The following CENPE variants were observed in gnomAD, a reference collection of about 807,000 sequenced individuals.
The protein encoded by CENPE is centromere protein E, also known as centromere-associated protein E.
A neutral mutation model predicts 336.1 loss-of-function variants in CENPE; 145 were observed. That is an observed-to-expected ratio of 0.43 (90% CI 0.38 to 0.50). The LOEUF is 0.50. CENPE is among the 20% of genes least tolerant of loss of function. CENPE has a pLI of 0.00. For synonymous variants in CENPE, 1,013 were observed against 984.8 expected (o/e 1.03, Z -0.54); for missense variants, 2,719 against 3,023.3 (o/e 0.90, Z 2.36).
intron 13 of CENPE, among the ~76,000 whole-genome samples, chr4:103,177,262 T>C (rs1334911735): frequency 6.6e-6 from 1 of 152,030 alleles, no homozygotes. Context: ...TTTCCTACTT[T>C]GTCCTCCTCA....
At chr4:103,138,150 T>C (rs1450125083) in intron 39 of CENPE, among the ~76,000 whole-genome samples, 1 of 152,206 alleles carries the variant, frequency 6.6e-6, no homozygotes, top group African/African-American at 2.4e-5. Context: ...GGTGAGGACT[T>C]AAATTCACAA....
chr4:103,122,849 C>T (rs200913750), intron 43 of CENPE, 22 bp downstream of exon 43: 3 of 1,565,236 alleles, frequency 1.9e-6, no homozygotes, highest in East Asian at 2.2e-5. Context: ...AACTGAAGAA[C>T]ATTTTATAAG....
Position 103,106,100 on chromosome 4 carries a change from G to T in CENPE, c.*122C>A. The T allele has an allele frequency of 2.0e-6, 1 of 507,888 alleles. No individual in the cohort carries two copies. The highest frequency in any genetic ancestry group is 3.3e-6 in the Non-Finnish European group (1 of 305,916). The allele number at this position is 507,888 out of a possible 1,614,324, so 31.5% of individuals were successfully genotyped here. A position where few individuals can be genotyped will look rare whatever the true frequency, so the allele number is the denominator to read the frequency against. The stretch of plus-strand genomic sequence containing the variant: ...GTTCCCTTATCTTTCAACTCTAGTG[G>T]CAAAGTAAAGACTGAATTGAAATTA... On this transcript the variant is annotated 3_prime_UTR_variant, in exon 49 of 49. Transcript: ENST00000265148.
chr4:103,111,109 C>T, intron 46 of CENPE, 98 bp from the exon 47 acceptor site: 1 of 797,760 alleles, frequency 1.3e-6, no homozygotes, highest in Admixed American at 2.8e-5. Flanking sequence ...ATTATAGAGA[C>T]CCAAACAGCT....
intron 5 of CENPE, 132 bp downstream of exon 5, chr4:103,194,982 C>G (rs1328298032): frequency 1.0e-5 from 8 of 777,436 alleles, no homozygotes; most frequent in African/African-American, 1.8e-5. Flanking sequence ...AATATAAATA[C>G]TTCAAAAAAA....
chr4:103,178,763 A>G (rs1441439062), intron 13 of CENPE, among the ~76,000 whole-genome samples: 2 of 151,970 alleles, frequency 1.3e-5, no homozygotes, highest in African/African-American at 2.4e-5. Flanking sequence ...CATATTCACT[A>G]GGTTTTATTC....
chr4:103,108,424 T>C (rs540264716), intron 48 of CENPE, among the ~76,000 whole-genome samples: 4 of 152,282 alleles, frequency 2.6e-5, no homozygotes, highest in African/African-American at 9.6e-5. Flanking sequence ...AAATGATTCA[T>C]CTATTATCTG....
intron 8 of CENPE, among the ~76,000 whole-genome samples, chr4:103,191,120 T>C (rs1294528697): frequency 6.6e-6 from 1 of 152,136 alleles, no homozygotes; most frequent in Non-Finnish European, 1.5e-5. Context: ...CCAGTTAGAA[T>C]GGCAATCGTT....
intron 28 of CENPE, among the ~76,000 whole-genome samples, chr4:103,148,510 A>G (rs1483009603): frequency 6.6e-6 from 1 of 152,204 alleles, no homozygotes; most frequent in Non-Finnish European, 1.5e-5. Flanking sequence ...TCTGGCATGG[A>G]GTAGGCTTTT....
chr4:103,176,997 A>AT lies in CENPE; in HGVS notation c.1291dup (p.Met431AsnfsTer11). ...TTGATCTGCATAGTTTGAGTTCTTCATTTTGTTAATTTTGCCAAGGCACCA... is the reference window on the plus strand; with the variant it reads ...TTGATCTGCATAGTTTGAGTTCTTCATTTTTGTTAATTTTGCCAAGGCACCA... On this transcript the variant is annotated frameshift_variant, in exon 14 of 49. Transcript: ENST00000265148. LOFTEE classifies it high-confidence loss of function. The AT allele has an allele frequency of 6.2e-7, 1 of 1,607,988 alleles. No individual in the cohort carries two copies. Among genetic ancestry groups the AT allele is most frequent in the Non-Finnish European group, 8.5e-7 (1 of 1,177,888 alleles).
chr4:103,178,092 AT>A (rs1457769394), intron 13 of CENPE, among the ~76,000 whole-genome samples: 5 of 145,818 alleles, frequency 3.4e-5, no homozygotes, highest in Non-Finnish European at 7.4e-5. Flanking sequence ...ATCATCTTAG[AT>A]TCCATAGATC....
At chr4:103,172,589 G>C (rs1317155277) in intron 16 of CENPE, among the ~76,000 whole-genome samples, 1 of 152,008 alleles carries the variant, frequency 6.6e-6, no homozygotes, top group African/African-American at 2.4e-5. Context: ...AGTACAGGAA[G>C]TTCTAGCTAG....
chr4:103,158,949 T>A, intron 22 of CENPE, 61 bp downstream of exon 22: 1 of 1,541,132 alleles, frequency 6.5e-7, no homozygotes, highest in South Asian at 1.3e-5. Context: ...CATACATATA[T>A]ACAGAAACCA....
In CENPE at chr4:103,161,358, T is replaced by A; in HGVS notation, c.1942A>T (p.Asn648Tyr). Residue 648 changes from asparagine to tyrosine, a missense_variant, in exon 19 of 49, where the codon AAT (asparagine) becomes TAT (tyrosine). Around this residue, in one of 5 missense-constraint regions of CENPE, gnomAD observed 2,437 missense variants for 2,513.3 expected, o/e 0.97. Coordinates refer to ENST00000265148, the MANE Select transcript of CENPE (RefSeq NM_001813.3). ...KRESAFLRSE[N>Y]LELKEKMKEL... is the part of the protein sequence containing the mutation. ...ACCATTTTCTCCTTCAGCTCCAGAT[T>A]TTCACTTCTAAGAAAGGCTGATTCT... is the stretch of plus-strand genomic sequence containing the variant. 1 of 1,611,452 alleles carries A rather than the reference T, an allele frequency of 6.2e-7. No individual in the cohort carries two copies. Among genetic ancestry groups the A allele is most frequent in the Non-Finnish European group, 8.5e-7 (1 of 1,178,956 alleles).
chr4:103,163,029 ATT>A (rs1754586751), intron 18 of CENPE, 106 bp downstream of exon 18: 1 of 806,852 alleles, frequency 1.2e-6, no homozygotes, highest in Non-Finnish European at 1.8e-6. Context: ...ATATAAATTT[ATT>A]ACAACAATAC....
intron 13 of CENPE, among the ~76,000 whole-genome samples, chr4:103,178,955 T>C (rs1214857237): frequency 1.3e-5 from 2 of 152,198 alleles, no homozygotes; most frequent in Non-Finnish European, 2.9e-5. Context: ...TCAAATCTTC[T>C]ACCTCATATT....
At position 103,133,726 on chromosome 4, in the gene CENPE, T is replaced by C. The variant is rs148946825; in HGVS notation, c.6689A>G (p.Lys2230Arg). Reference protein sequence around the residue: ...DVPSRELRDLKLNQNMDLHIE... With the variant: ...DVPSRELRDLRLNQNMDLHIE... ...ATGTAGATCCATATTCTGGTTCAATTTGAGATCCCTTAATTCTCTGGATGG... is the reference window on the plus strand; with the variant it reads ...ATGTAGATCCATATTCTGGTTCAATCTGAGATCCCTTAATTCTCTGGATGG... The change falls in exon 41 of 49, where the codon AAA (lysine) becomes AGA (arginine). Residue 2230 changes from lysine (K) to arginine (R), a missense_variant. Lys to Arg is a conservative substitution (Grantham distance 26, BLOSUM62 2). This residue lies in a region of CENPE where 2,437 missense variants were observed against 2,513.3 expected (regional missense o/e 0.97). Coordinates refer to ENST00000265148, the MANE Select transcript of CENPE (RefSeq NM_001813.3). 9 of 1,607,006 alleles carry C rather than the reference T, an allele frequency of 5.6e-6. No homozygotes were observed. The Admixed American group carries it at 1.4e-4, about 24-fold the overall frequency.
At chr4:103,119,637 G>A (rs1277592194) in intron 44 of CENPE, among the ~76,000 whole-genome samples, 2 of 152,146 alleles carry the variant, frequency 1.3e-5, no homozygotes, top group Admixed American at 1.3e-4. Context: ...TAGAAGAAAT[G>A]TGGGAAGTGG....
chr4:103,163,313 T>C (rs1754614808), intron 17 of CENPE, 57 bp from the exon 18 acceptor site: 2 of 1,483,846 alleles, frequency 1.3e-6, no homozygotes, highest in Middle Eastern at 1.9e-4. Context: ...GTCTAAGGGA[T>C]TAAAACAGAA....
Sources: allele counts gnomAD v4.1 joint callset (sites outside exome capture counted in the v4.1 genomes callset), GRCh38; gene constraint gnomAD v4.1.1; regional missense constraint gnomAD v4.1.1; transcripts MANE v1.5; gene names NCBI Gene and HGNC (gene_info 2026-07-23, HGNC 2026-07-21).